Variants in CDH23 observed in about 807,000 individuals in gnomAD.
CDH23 encodes cadherin-23.
A neutral mutation model predicts 317.1 loss-of-function variants in CDH23; 189 were observed. That is an observed-to-expected ratio of 0.60 (90% confidence interval 0.53 to 0.67). The LOEUF (loss-of-function observed/expected upper bound fraction) is 0.67. CDH23 is among the 30% of genes least tolerant of loss of function. The probability of loss-of-function intolerance (pLI) is 0.00; values close to 1 mark genes in which losing one functional copy is unlikely to be tolerated. For synonymous variants in CDH23, 1,839 were observed against 1,876.8 expected, an observed-to-expected ratio of 0.98 and a Z score of 0.52; for missense variants, 4,401 against 4,592.4, an observed-to-expected ratio of 0.96 and a Z score of 1.20.
chr10:71,474,599 A>C (rs1317775936), intron 3 of CDH23, among the ~76,000 whole-genome samples: 2 of 152,222 alleles, frequency 1.3e-5, no homozygotes, highest in Non-Finnish European at 2.9e-5. Flanking sequence ...CTCTGGTAAA[A>C]TGGAGAAAAT....
At chr10:71,730,747 A>G (rs1589381253) in intron 31 of CDH23, 143 bp downstream of exon 31, 3 of 1,258,942 alleles carry the variant, frequency 2.4e-6, no homozygotes, top group South Asian at 2.8e-5. Context: ...GGCTGCTGGG[A>G]TGGTCTTGAT....
rs370775312 is a variant in CDH23, at chr10:71,519,326, G to A, written c.429+8114G>A. Reference sequence around the variant, plus strand: ...CAGTGTTGGGCTGTCAGCCTCGCACGCTGAGTCCATCTGCCATTTTTCAGC... The same window carrying A: ...CAGTGTTGGGCTGTCAGCCTCGCACACTGAGTCCATCTGCCATTTTTCAGC... On this transcript the variant is annotated intron_variant, in intron 6 of 69. Coordinates refer to ENST00000224721, the MANE Select transcript of CDH23 (RefSeq NM_022124.6). Among the ~76,000 whole-genome samples, 11 of 152,328 alleles carry A rather than the reference G, an allele frequency of 7.2e-5. No individual in the cohort carries two copies. In the East Asian group the frequency reaches 7.7e-4, roughly 11 times the overall value.
intron 38 of CDH23, chr10:71,755,428 C>T (rs1055051012): frequency 5.0e-6 from 8 of 1,613,156 alleles, no homozygotes; most frequent in African/African-American, 2.7e-5. Context: ...AGGATTCCTA[C>T]GATGCAGGCA....
chr10:71,750,292 C>T (rs1323567987), intron 38 of CDH23: 2 of 152,300 alleles, frequency 1.3e-5, no homozygotes, highest in African/African-American at 4.8e-5. Context: ...TAAACTGGCT[C>T]TTACAATCCA....
intron 14 of CDH23, among the ~76,000 whole-genome samples, chr10:71,649,772 T>C (rs4746092): frequency 0.96 from 146,129 of 152,338 alleles, 70,164 homozygotes; most frequent in East Asian, 1. Flanking sequence ...AAAAATGTTG[T>C]ATGCAAATGA....
At chr10:71,781,068 G>A (rs1267039131) in intron 41 of CDH23, among the ~76,000 whole-genome samples, 3 of 152,162 alleles carry the variant, frequency 2.0e-5, no homozygotes, top group Admixed American at 6.5e-5. Context: ...TAGAGGTTGC[G>A]TATACAAGCC....
chr10:71,500,646 G>A (rs1024378534), intron 3 of CDH23, among the ~76,000 whole-genome samples: 1 of 152,180 alleles, frequency 6.6e-6, no homozygotes, highest in African/African-American at 2.4e-5. Flanking sequence ...CTGAGTTTTG[G>A]ATTTGGATAA....
At chr10:71,491,803 C>T (rs1372219091) in intron 3 of CDH23, among the ~76,000 whole-genome samples, 1 of 152,174 alleles carries the variant, frequency 6.6e-6, no homozygotes, top group East Asian at 1.9e-4. Flanking sequence ...TGTCCAGCAG[C>T]CCTCGCCTGC....
chr10:71,510,844 A>T, intron 4 of CDH23, 110 bp from the exon 5 acceptor site: 3 of 1,041,034 alleles, frequency 2.9e-6, no homozygotes, highest in Non-Finnish European at 4.5e-6. Flanking sequence ...GCCTGGTTCC[A>T]GGCAAGCTCC....
intron 3 of CDH23, among the ~76,000 whole-genome samples, chr10:71,446,730 T>A (rs12772493): frequency 0.35 from 53,167 of 152,160 alleles, 11,588 homozygotes; most frequent in East Asian, 0.49. Context: ...TGTAATTTTC[T>A]GTGATTACTA....
intron 6 of CDH23, among the ~76,000 whole-genome samples, chr10:71,526,998 A>G (rs1018579097): frequency 2.0e-5 from 3 of 152,162 alleles, no homozygotes; most frequent in African/African-American, 7.2e-5. Flanking sequence ...CCAGCAGATG[A>G]CAGACCATTG....
intron 47 of CDH23, among the ~76,000 whole-genome samples, chr10:71,792,836 AAAAAAAAAAAAAAAAAATAT>A (rs1282172148): frequency 2.5e-4 from 23 of 93,152 alleles, no homozygotes; most frequent in East Asian, 1.7e-3. Context: ...AAAAAAAAAA[AAAAAAAAAAAAAAAAAATAT>A]ATATATATAT....
chr10:71,733,186 T>C lies in CDH23; in HGVS notation c.4104+811T>C, dbSNP rs1347410920. On this transcript the variant is annotated intron_variant, in intron 32 of 69. Coordinates refer to ENST00000224721, the MANE Select transcript of CDH23 (RefSeq NM_022124.6). ...ACTATTACCAAAGTATTATGAAGGA[T>C]AGTCTAAAGGATACCAACAAACAGC... Among the ~76,000 whole-genome samples the C allele has an allele frequency of 5.3e-5, 8 of 152,172 alleles. No individual in the cohort carries two copies. In the East Asian group the frequency reaches 1.5e-3, roughly 29 times the overall value.
chr10:71,397,509 C>G lies in CDH23; in HGVS notation c.-6+191C>G, dbSNP rs1246521820. ...AGGCCCCTGGCCCTAGCCTCGCGCC[C>G]CGCTCCGAGCTCCCCGACGCGCGGC... On this transcript the variant is annotated intron_variant, in intron 1 of 69. Coordinates refer to ENST00000224721, the MANE Select transcript of CDH23 (RefSeq NM_022124.6). This position sits in a 1 kb window ranked among gnomAD's most constrained non-coding sequence, Gnocchi z 4.8. Among the ~76,000 whole-genome samples the G allele has an allele frequency of 6.6e-6, 1 of 151,990 alleles. No individual in the cohort carries two copies. The highest frequency in any genetic ancestry group is 1.5e-5 in the Non-Finnish European group (1 of 67,972).
intron 48 of CDH23, chr10:71,795,589 C>A (rs183785791): frequency 9.8e-4 from 157 of 159,830 alleles, no homozygotes; most frequent in Middle Eastern, 3.1e-3. Context: ...ACTTTGCTAC[C>A]TTTTCTTCTT....
intron 35 of CDH23, 150 bp from the exon 36 acceptor site, chr10:71,739,494 A>T: frequency 1.1e-6 from 1 of 915,864 alleles, no homozygotes; most frequent in Middle Eastern, 3.5e-4. Flanking sequence ...AGGGAGATGA[A>T]TCACTTCTGC....
chr10:71,479,963 C>T (rs547753958), intron 3 of CDH23, among the ~76,000 whole-genome samples: 18 of 152,332 alleles, frequency 1.2e-4, no homozygotes, highest in African/African-American at 4.3e-4. Context: ...AATTGGGTGA[C>T]TCTCTGGATA....
At chr10:71,671,912 G>A (rs1276018574) in intron 14 of CDH23, among the ~76,000 whole-genome samples, 4 of 152,194 alleles carry the variant, frequency 2.6e-5, no homozygotes, top group Non-Finnish European at 5.9e-5. Context: ...TCATGAGAAC[G>A]TGGGTGCAGT....
intron 11 of CDH23, among the ~76,000 whole-genome samples, chr10:71,636,867 A>G (rs1448926446): frequency 6.6e-6 from 1 of 152,220 alleles, no homozygotes; most frequent in African/African-American, 2.4e-5. Context: ...AAAAAGAGGC[A>G]GCAGGGCAGA....
Sources: allele counts gnomAD v4.1 joint callset (sites outside exome capture counted in the v4.1 genomes callset), GRCh38; gene constraint gnomAD v4.1.1; non-coding constraint Gnocchi (gnomAD v3.1); transcripts MANE v1.5; gene names NCBI Gene and HGNC (gene_info 2026-07-23, HGNC 2026-07-21).